ZNF785: variants seen among roughly 807,000 people sequenced by gnomAD.
ZNF785 encodes the protein zinc finger protein 785.
ZNF785 carries 15 observed loss-of-function variants against 11.3 expected under a neutral mutation model. The observed-to-expected ratio is 1.32, with a 90% CI of 0.89 to 2.04. The LOEUF (loss-of-function observed/expected upper bound fraction) is 2.04. Ranked by LOEUF, ZNF785 falls within the 30% of genes most tolerant of loss-of-function variation. The pLI is 0.00. For synonymous variants in ZNF785, 221 were observed against 231.0 expected, an observed-to-expected ratio of 0.96 and a Z score of 0.39; for missense variants, 572 against 560.9, an observed-to-expected ratio of 1.02 and a Z score of -0.20.
chr16:30,583,035 C>A lies in ZNF785; in HGVS notation c.743G>T (p.Arg248Leu). The stretch of plus-strand genomic sequence containing the variant: ...GTAAGGCTTCTCCCCGGTGTGAGCC[C>A]GCCTGTGGATAGCCAGGGAACCCCT... ...RQRGSLAIHRRAHTGEKPYAC... is the reference protein window; with the variant it reads ...RQRGSLAIHRLAHTGEKPYAC... Residue 248 changes from arginine (R) to leucine (L), a missense_variant, in exon 3 of 3, where the codon CGG (arginine) becomes CTG (leucine). By Grantham distance (102) the Arg-to-Leu change is moderately radical (BLOSUM62 -2). Coordinates refer to ENST00000395216, the MANE Select transcript of ZNF785 (RefSeq NM_152458.7). The A allele has an allele frequency of 6.2e-7, 1 of 1,613,948 alleles. No individual in the cohort carries two copies. The highest frequency in any genetic ancestry group is 8.5e-7 in the Non-Finnish European group (1 of 1,179,986).
rs765862826 is a variant in ZNF785 at position 30,582,981 on chromosome 16, G to T, written c.797C>A (p.Thr266Asn). Residue 266 changes from threonine (T) to asparagine (N), a missense_variant, in exon 3 of 3, where the codon ACT (threonine) becomes AAT (asparagine). Coordinates refer to ENST00000395216, the MANE Select transcript of ZNF785 (RefSeq NM_152458.7). ...GTGGATGGCCAGCAGGTAGGGGTAA[G>T]TGAAGCGACTCTTGCAGTCTGAGCA... ...YACSDCKSRF[T>N]YPYLLAIHQR... 21 of 1,613,916 alleles carry T rather than the reference G, an allele frequency of 1.3e-5. No homozygotes were observed. In the South Asian group the frequency reaches 2.3e-4, roughly 18 times the overall value.
chr16:30,584,636 C>T (rs1005097958), intron 2 of ZNF785, among the ~76,000 whole-genome samples: 2 of 152,122 alleles, frequency 1.3e-5, no homozygotes, highest in African/African-American at 2.4e-5. Context: ...GGCAACAGAG[C>T]GAGACTGTCT....
In ZNF785 at chr16:30,583,186, G is replaced by C; in HGVS notation, c.592C>G (p.Arg198Gly). The change falls in exon 3 of 3, where the codon CGG (arginine) becomes GGG (glycine). Residue 198 changes from arginine to glycine, a missense_variant. Arg to Gly is a moderately radical substitution (Grantham distance 125). Transcript: ENST00000395216. ...TGACACTGGCCGCAGGAGAAGGGCC[G>C]CTCCCCGGAGTGGACCCGCTGGTGG... Reference protein sequence around the residue: ...ASHQRVHSGERPFSCGQCQAR... With the variant: ...ASHQRVHSGEGPFSCGQCQAR... 1 of 1,613,960 alleles carries C rather than the reference G, an allele frequency of 6.2e-7. No homozygotes were observed. The highest frequency in any genetic ancestry group is 1.3e-5 in the African/African-American group (1 of 75,002).
At position 30,582,636 on chromosome 16, in the gene ZNF785, G is replaced by A. The variant is rs200275192; in HGVS notation, c.1142C>T (p.Pro381Leu). Residue 381 changes from proline to leucine, a missense_variant, in exon 3 of 3, where the codon CCC becomes CTC. Pro to Leu is a moderately conservative substitution (Grantham distance 98, BLOSUM62 -3). Transcript: ENST00000395216. ...ATCCTTGCCTCCCAAAACAGGGATG[G>A]GCTCTGAACGCCCCACCACGGCCTG... ...WQQAVVGRSE[P>L]IPVLGGKDPP... 9 of 1,614,072 alleles carry A rather than the reference G, an allele frequency of 5.6e-6. No homozygotes were observed. Among genetic ancestry groups the A allele is most frequent in the Non-Finnish European group, 7.6e-6 (9 of 1,180,056 alleles).
At position 30,582,838 on chromosome 16, in the gene ZNF785, AG is replaced by A. The variant is rs746124191; in HGVS notation, c.939del (p.Cys314ValfsTer116). The A allele has an allele frequency of 6.2e-7, 1 of 1,610,994 alleles. No homozygotes were observed. Among genetic ancestry groups the A allele is most frequent in the Admixed American group, 1.7e-5 (1 of 59,878 alleles). ...GTGAAGCGGCGGCCGCAGTCAGGAC[AG>A]GGGTAGGGCTTCTCGCCGGTGTGTA... ...RRIHTGEKPY[P>X]CPDCGRRFTY... On this transcript the variant is annotated frameshift_variant, in exon 3 of 3. Coordinates refer to ENST00000395216, the MANE Select transcript of ZNF785 (RefSeq NM_152458.7). LOFTEE classifies it low-confidence loss of function (END_TRUNC).
intron 2 of ZNF785, chr16:30,583,670 A>C: frequency 2.0e-6 from 1 of 497,396 alleles, no homozygotes; most frequent in Non-Finnish European, 3.5e-6. Context: ...AGGTTAACAC[A>C]AGAAGGCCCT....
chr16:30,582,947 C>A lies in ZNF785; in HGVS notation c.831G>T (p.Lys277Asn), dbSNP rs1296557767. ...YPYLLAIHQR[K>N]HTGEKPYSCP... is the part of the protein sequence containing the mutation. ...AGCTGTAGGGCTTCTCGCCCGTGTG[C>A]TTGCGCTGGTGGATGGCCAGCAGGT... Residue 277 changes from lysine (K) to asparagine (N), a missense_variant, in exon 3 of 3, where the codon AAG becomes AAT. Lys to Asn is a moderately conservative substitution (Grantham distance 94, BLOSUM62 0). Transcript: ENST00000395216. 6.2e-7 allele frequency: 1 copy of A among 1,612,804 alleles called. No homozygotes were observed. Among genetic ancestry groups the A allele is most frequent in the African/African-American group, 1.3e-5 (1 of 74,444 alleles).
Position 30,582,835 on chromosome 16 carries a change from G to T in ZNF785, c.943C>A (p.Pro315Thr), listed in dbSNP as rs745551153. ...IHTGEKPYPC[P>T]DCGRRFTYSS... ...TAGGTGAAGCGGCGGCCGCAGTCAG[G>T]ACAGGGGTAGGGCTTCTCGCCGGTG... Residue 315 changes from proline to threonine, a missense_variant, in exon 3 of 3, where the codon CCT becomes ACT. Pro to Thr is a conservative substitution (Grantham distance 38). Coordinates refer to ENST00000395216, the MANE Select transcript of ZNF785 (RefSeq NM_152458.7). The T allele has an allele frequency of 1.1e-5, 17 of 1,610,890 alleles. No individual in the cohort carries two copies. Among genetic ancestry groups the T allele is most frequent in the Admixed American group, 8.4e-5 (5 of 59,872 alleles).
At chr16:30,579,789 A>C (rs1482950199), downstream of ZNF785, 1 of 456,064 alleles carries the variant, frequency 2.2e-6, no homozygotes, top group African/African-American at 2.0e-5. Context: ...GCTTAGTCCC[A>C]CCTACCTCTT....
chr16:30,585,283 G>A lies in ZNF785; in HGVS notation c.206-33C>T. The A allele has an allele frequency of 6.2e-7, 1 of 1,610,644 alleles. No individual in the cohort carries two copies. Among genetic ancestry groups the A allele is most frequent in the Non-Finnish European group, 8.5e-7 (1 of 1,178,804 alleles). ...GGAGAAACAATGGGCTCGGCTGAGC[G>A]CACGGGAGGGGAGAATGAGACTGCT... is the stretch of plus-strand genomic sequence containing the variant. On this transcript the variant is annotated intron_variant, in intron 1 of 2. Transcript: ENST00000395216. The surrounding 1 kb of genome is among the most constrained non-coding windows in gnomAD (Gnocchi z 4.0).
In ZNF785 at chr16:30,584,146, A is replaced by G. The variant is rs144717077; in HGVS notation, c.335-703T>C. 3.5e-3 allele frequency among the ~76,000 whole-genome samples: 526 copies of G among 152,260 alleles called. 3 individuals carry two copies. The highest frequency in any genetic ancestry group is 5.3e-3 in the Non-Finnish European group (358 of 68,020). ...GGCGACACAGCAAGACTCAGTCTCA[A>G]AAAAATAAAAAAAGAAAAAGGAGTG... On this transcript the variant is annotated intron_variant, in intron 2 of 2. Coordinates refer to ENST00000395216, the MANE Select transcript of ZNF785 (RefSeq NM_152458.7).
intron 2 of ZNF785, among the ~76,000 whole-genome samples, chr16:30,584,582 G>A (rs1329527158): frequency 1.3e-5 from 2 of 152,110 alleles, no homozygotes; most frequent in South Asian, 2.1e-4. Context: ...CCTGGGAGGC[G>A]GAGGTTGCAG....
At position 30,582,765 on chromosome 16, in the gene ZNF785, C is replaced by T. The variant is rs1345721741; in HGVS notation, c.1013G>A (p.Arg338Gln). 1 of 1,606,356 alleles carries T rather than the reference C, an allele frequency of 6.2e-7. No homozygotes were observed. Among genetic ancestry groups the T allele is most frequent in the Non-Finnish European group, 8.5e-7 (1 of 1,174,870 alleles). Residue 338 changes from arginine (R) to glutamine (Q), a missense_variant, in exon 3 of 3, where the codon CGG (arginine) becomes CAG (glutamine). Physicochemically the swap from Arg to Gln is conservative, Grantham distance 43. Transcript: ENST00000395216. ...CCCACACTCCACGCAGGGGAAGGGC[C>T]GGCTGTCGGAGTGAATGCGCCGGTG... ...LSHRRIHSDSRPFPCVECGKG... is the reference protein window; with the variant it reads ...LSHRRIHSDSQPFPCVECGKG...
downstream of ZNF785, chr16:30,578,746 G>C (rs181951060): frequency 6.4e-4 from 97 of 152,062 alleles, 1 homozygote; most frequent in African/African-American, 1.9e-3. Flanking sequence ...CGTCAGGCTG[G>C]TCTCAAACTC....
At position 30,582,320 on chromosome 16, in the gene ZNF785, G is replaced by C; in HGVS notation, c.*240C>G. On this transcript the variant is annotated 3_prime_UTR_variant, in exon 3 of 3. Transcript: ENST00000395216. Reference sequence around the variant, plus strand: ...GCCAGTTAGGTGAATGGTTTTCAGTGAAGGATGGGACGTGAACACGGGGCC... The same window carrying C: ...GCCAGTTAGGTGAATGGTTTTCAGTCAAGGATGGGACGTGAACACGGGGCC... The C allele has an allele frequency of 1.8e-6, 1 of 570,864 alleles. No individual in the cohort carries two copies. The highest frequency in any genetic ancestry group is 3.1e-6 in the Non-Finnish European group (1 of 324,526). 35.4% of individuals were successfully genotyped at this position (570,864 alleles called of 1,614,324 possible).
chr16:30,582,897 G>A lies in ZNF785; in HGVS notation c.881C>T (p.Ala294Val), dbSNP rs767881870. The A allele has an allele frequency of 1.4e-5, 22 of 1,613,662 alleles. No homozygotes were observed. In the Middle Eastern group the frequency reaches 4.9e-4, roughly 36 times the overall value. ...GTGGATGGCCAGCAGGGAGGTGTAG[G>A]CGAAACGGAGGCTGCAATCGGGGCA... Reference protein sequence around the residue: ...YSCPDCSLRFAYTSLLAIHRR... With the variant: ...YSCPDCSLRFVYTSLLAIHRR... Residue 294 changes from alanine to valine, a missense_variant, in exon 3 of 3, where the codon GCC becomes GTC. Transcript: ENST00000395216.
downstream of ZNF785, among the ~76,000 whole-genome samples, chr16:30,580,318 G>A (rs1257577833): frequency 1.3e-5 from 2 of 149,930 alleles, no homozygotes; most frequent in Admixed American, 6.7e-5. Flanking sequence ...CTCCCAAGAA[G>A]CTGGGATTAC....
At position 30,583,130 on chromosome 16, in the gene ZNF785, G is replaced by A. The variant is rs370549514; in HGVS notation, c.648C>T (p.Leu216=). 1.9e-6 allele frequency: 3 copies of A among 1,613,982 alleles called. No homozygotes were observed. The highest frequency in any genetic ancestry group is 2.7e-5 in the African/African-American group (2 of 74,920). The change falls in exon 3 of 3, where the codon CTC becomes CTT. Residue 216 remains leucine (L), a synonymous_variant. Coordinates refer to ENST00000395216, the MANE Select transcript of ZNF785 (RefSeq NM_152458.7). ...QARFSQRRYL[L]QHQFIHTGEK... is the part of the protein sequence containing the mutation. ...CGCCGGTGTGGATGAACTGATGCTG[G>A]AGCAGGTACCTGCGCTGGGAGAAAC...
In ZNF785 at chr16:30,582,608, G is replaced by C. The variant is rs2051826338; in HGVS notation, c.1170C>G (p.Pro390=). ...CTGGAAAGTGCCGGAAGTGAACTGGGGGATCCTTGCCTCCCAAAACAGGGA... is the reference window on the plus strand; with the variant it reads ...CTGGAAAGTGCCGGAAGTGAACTGGCGGATCCTTGCCTCCCAAAACAGGGA... The part of the protein sequence containing the change: ...EPIPVLGGKD[P]PVHFRHFPDI... Residue 390 remains proline, a synonymous_variant, in exon 3 of 3, where the codon CCC becomes CCG. Coordinates refer to ENST00000395216, the MANE Select transcript of ZNF785 (RefSeq NM_152458.7). 2 of 1,614,034 alleles carry C rather than the reference G, an allele frequency of 1.2e-6. No homozygotes were observed. Among genetic ancestry groups the C allele is most frequent in the African/African-American group, 1.3e-5 (1 of 74,942 alleles).
Sources: allele counts gnomAD v4.1 joint callset (sites outside exome capture counted in the v4.1 genomes callset), GRCh38; gene constraint gnomAD v4.1.1; non-coding constraint Gnocchi (gnomAD v3.1); transcripts MANE v1.5; gene names NCBI Gene and HGNC (gene_info 2026-07-23, HGNC 2026-07-21).